UNC13C: variants seen among roughly 807,000 people sequenced by gnomAD.
UNC13C encodes the protein protein unc-13 homolog C.
A neutral mutation model predicts 245.4 loss-of-function variants in UNC13C; 174 were observed. The observed-to-expected ratio is 0.71, with a 90% CI of 0.63 to 0.80. The LOEUF is 0.80. Ranked by LOEUF, UNC13C falls within the 30% of genes least tolerant of loss-of-function variation. UNC13C has a pLI of 0.00. For synonymous variants in UNC13C, 992 were observed against 895.1 expected (o/e 1.11, Z -1.93); for missense variants, 2,829 against 2,602.9 (o/e 1.09, Z -1.89).
chr15:53,977,405 G>A (rs1433985341), upstream of UNC13C, among the ~76,000 whole-genome samples: 1 of 152,146 alleles, frequency 6.6e-6, no homozygotes, highest in Non-Finnish European at 1.5e-5. Context: ...TTTAGGTGGA[G>A]TCAATTCTAA....
intron 30 of UNC13C, among the ~76,000 whole-genome samples, chr15:54,584,760 CCT>C (rs1191487459): frequency 6.6e-6 from 1 of 152,154 alleles, no homozygotes; most frequent in East Asian, 1.9e-4. Flanking sequence ...TTCATCTGGT[CCT>C]CTCAGTGACC....
intron 30 of UNC13C, among the ~76,000 whole-genome samples, chr15:54,602,657 A>T: frequency 6.6e-6 from 1 of 152,178 alleles, no homozygotes; most frequent in South Asian, 2.1e-4. Flanking sequence ...GCCACATAGA[A>T]CAAGTGTAAG....
At chr15:54,467,397 T>A (rs1016256411) in intron 19 of UNC13C, among the ~76,000 whole-genome samples, 12 of 150,792 alleles carry the variant, frequency 8.0e-5, no homozygotes, top group African/African-American at 2.2e-4. Context: ...TACAAATTTC[T>A]TTTTTTTTAC....
At chr15:53,994,571 T>G (rs2140964898) in intron 1 of UNC13C, among the ~76,000 whole-genome samples, 1 of 152,220 alleles carries the variant, frequency 6.6e-6, no homozygotes, top group Admixed American at 6.6e-5. Flanking sequence ...ATTCTAATTC[T>G]GTAAGCATCT....
chr15:53,885,078 A>G, the UNC13C span, among the ~76,000 whole-genome samples: 1 of 152,248 alleles, frequency 6.6e-6, no homozygotes, highest in East Asian at 1.9e-4. Context: ...TATGCAAATT[A>G]GTTTTTATAA....
At chr15:54,097,026 G>C (rs112453073) in intron 2 of UNC13C, among the ~76,000 whole-genome samples, 8 of 152,194 alleles carry the variant, frequency 5.3e-5, no homozygotes, top group African/African-American at 1.7e-4. Flanking sequence ...TGAAATTTCT[G>C]AAGTCAGAGA....
intron 4 of UNC13C, among the ~76,000 whole-genome samples, chr15:54,209,088 A>G (rs1452398515): frequency 1.3e-5 from 2 of 152,064 alleles, no homozygotes; most frequent in Non-Finnish European, 2.9e-5. Context: ...GGTACTACAA[A>G]CTAGTCTTTT....
chr15:54,600,775 C>A (rs969358011), intron 30 of UNC13C, among the ~76,000 whole-genome samples: 1 of 152,026 alleles, frequency 6.6e-6, no homozygotes, highest in African/African-American at 2.4e-5. Flanking sequence ...TTTATTCATT[C>A]ATAGGACTAA....
intron 30 of UNC13C, among the ~76,000 whole-genome samples, chr15:54,584,399 G>A (rs148426284): frequency 6.6e-6 from 1 of 152,104 alleles, no homozygotes; most frequent in East Asian, 1.9e-4. Context: ...TAAATACCTC[G>A]AATTCTTTAG....
chr15:54,145,428 C>G (rs2032212502), intron 4 of UNC13C, among the ~76,000 whole-genome samples: 1 of 152,088 alleles, frequency 6.6e-6, no homozygotes, highest in Non-Finnish European at 1.5e-5. Context: ...ATTTCTGTTA[C>G]ATCTCTAACT....
At chr15:54,631,413 A>G (rs1193737999), downstream of UNC13C, 1 of 152,220 alleles carries the variant, frequency 6.6e-6, no homozygotes, top group Non-Finnish European at 1.5e-5. Context: ...TTTCTGTGTT[A>G]TGACAAATGC....
At chr15:54,622,606 C>T (rs1900866263) in intron 31 of UNC13C, among the ~76,000 whole-genome samples, 187 bp downstream of exon 31, 1 of 150,856 alleles carries the variant, frequency 6.6e-6, no homozygotes, top group Admixed American at 6.6e-5. Context: ...TAATGTTTAG[C>T]ATGCATTATT....
intron 2 of UNC13C, among the ~76,000 whole-genome samples, chr15:54,119,046 G>GTT (rs879407588): frequency 1.9e-4 from 27 of 140,178 alleles, no homozygotes; most frequent in South Asian, 6.8e-4. Flanking sequence ...CCAGTTTTTT[G>GTT]TTTTTTTTTT....
intron 19 of UNC13C, among the ~76,000 whole-genome samples, chr15:54,416,095 G>A (rs1344504316): frequency 2.0e-5 from 3 of 152,176 alleles, no homozygotes; most frequent in African/African-American, 7.2e-5. Flanking sequence ...GGAGAAATTA[G>A]CAGGGACCAG....
the UNC13C span, among the ~76,000 whole-genome samples, chr15:53,842,918 A>G: frequency 1.4e-5 from 2 of 147,004 alleles, no homozygotes; most frequent in East Asian, 2.0e-4. Context: ...ATATATATAT[A>G]ATGTAAAAAT....
chr15:53,937,958 T>C, the UNC13C span, among the ~76,000 whole-genome samples: 850 of 152,282 alleles, frequency 5.6e-3, 8 homozygotes, highest in African/African-American at 0.02. Context: ...AGTGATACTG[T>C]GAAGCAACCA....
intron 13 of UNC13C, chr15:54,321,517 G>A: frequency 2.1e-6 from 1 of 471,346 alleles, no homozygotes. Flanking sequence ...CAAAGCCCCT[G>A]GAGTGCTGGG....
intron 30 of UNC13C, among the ~76,000 whole-genome samples, chr15:54,574,651 T>C (rs183667475): frequency 6.6e-6 from 1 of 152,174 alleles, no homozygotes; most frequent in Non-Finnish European, 1.5e-5. Context: ...AGGGATATTT[T>C]ATATAGAAGT....
chr15:53,972,849 A>G, the UNC13C span: 2 of 152,218 alleles, frequency 1.3e-5, no homozygotes, highest in Non-Finnish European at 2.9e-5. Context: ...ATCATTTATC[A>G]CTGTGTACAT....
Sources: gnomAD v4.1 joint callset for allele counts (sites outside exome capture counted in the v4.1 genomes callset) on GRCh38, gnomAD v4.1.1 for gene constraint, MANE v1.5 for transcripts, NCBI Gene and HGNC (gene_info 2026-07-23, HGNC 2026-07-21) for gene names.